Variants in EGF observed in about 807,000 individuals in gnomAD.
EGF encodes epidermal growth factor.
In EGF, 95 loss-of-function variants were observed where a neutral mutation model predicts 143.8. The observed-to-expected ratio is 0.66, with a 90% confidence interval of 0.56 to 0.78. The LOEUF (loss-of-function observed/expected upper bound fraction) is 0.78. EGF is among the 30% of genes least tolerant of loss of function. The pLI, the probability that EGF is intolerant of heterozygous loss-of-function variation, is 0.00. For missense variants in EGF, 1,320 were observed against 1,470.9 expected, an observed-to-expected ratio of 0.90 and a Z score of 1.68; for synonymous variants, 510 against 510.5, an observed-to-expected ratio of 1.00 and a Z score of 0.01.
chr4:109,941,050 A>T lies in EGF; in HGVS notation c.232A>T (p.Ile78Phe). Reference sequence around the variant, plus strand: ...GGTGGTGGATGCTGGTGTCTCAGTGATCATGGATTTTCATTATAATGAGAA... The same window carrying T: ...GGTGGTGGATGCTGGTGTCTCAGTGTTCATGGATTTTCATTATAATGAGAA... Reference protein sequence around the residue: ...QLVVDAGVSVIMDFHYNEKRI... With the variant: ...QLVVDAGVSVFMDFHYNEKRI... The change falls in exon 2 of 24, where the codon ATC becomes TTC. Residue 78 changes from isoleucine to phenylalanine, a missense_variant. Around this residue, in one of 5 missense-constraint regions of EGF, gnomAD observed 9 missense variants for 26.6 expected, o/e 0.34. Transcript: ENST00000265171. 6.2e-7 allele frequency: 1 copy of T among 1,614,052 alleles called. No individual in the cohort carries two copies. The highest frequency in any genetic ancestry group is 8.5e-7 in the Non-Finnish European group (1 of 1,179,972).
At chr4:110,005,589 T>C (rs1254780587) in intron 22 of EGF, among the ~76,000 whole-genome samples, 1 of 152,204 alleles carries the variant, frequency 6.6e-6, no homozygotes, top group African/African-American at 2.4e-5. Context: ...GCACAGAGGT[T>C]TGGGAAATTC....
At chr4:109,933,406 GT>G (rs1740152502) in intron 1 of EGF, among the ~76,000 whole-genome samples, 1 of 150,118 alleles carries the variant, frequency 6.7e-6, no homozygotes, top group African/African-American at 2.4e-5. Context: ...CCAGCCTCTT[GT>G]AGCATTTCTT....
Position 109,969,010 on chromosome 4 carries a change from G to A in EGF, c.1615G>A (p.Ala539Thr), listed in dbSNP as rs773112456. 30 of 1,614,060 alleles carry A rather than the reference G, an allele frequency of 1.9e-5. No homozygotes were observed. In the South Asian group the frequency reaches 2.4e-4, roughly 13 times the overall value. Residue 539 changes from alanine to threonine, a missense_variant, in exon 11 of 24, where the codon GCT (alanine) becomes ACT (threonine). This residue lies in a region of EGF where 1,186 missense variants were observed against 1,313.7 expected (regional missense o/e 0.90). Transcript: ENST00000265171. Reference protein sequence around the residue: ...AHTALKWIERANMDGSQRERL... With the variant: ...AHTALKWIERTNMDGSQRERL... Reference sequence around the variant, plus strand: ...TACAGCCCTGAAGTGGATAGAGAGAGCTAATATGGATGGTTCCCAGCGAGA... The same window carrying A: ...TACAGCCCTGAAGTGGATAGAGAGAACTAATATGGATGGTTCCCAGCGAGA...
At position 109,932,439 on chromosome 4, in the gene EGF, C is replaced by CATGAT. The variant is rs1163080942; in HGVS notation, c.128-8506_128-8502dup. ...TGTTGCCCAGGCTGGAGTGTAGTGGCATGATCTTGGCTCACTGCAAGCTCC... is the reference window on the plus strand; with the variant it reads ...TGTTGCCCAGGCTGGAGTGTAGTGGCATGATATGATCTTGGCTCACTGCAAGCTCC... On this transcript the variant is annotated intron_variant, in intron 1 of 23. Transcript: ENST00000265171. Among the ~76,000 whole-genome samples, 154 of 141,056 alleles carry CATGAT rather than the reference C, an allele frequency of 1.1e-3. 1 individual carries two copies. Among genetic ancestry groups the CATGAT allele is most frequent in the Middle Eastern group, 7.9e-3 (2 of 252 alleles). The allele number at this position is 141,056 out of a possible 152,430, so 92.5% of individuals were successfully genotyped here.
At position 109,938,866 on chromosome 4, in the gene EGF, T is replaced by A. The variant is rs561029926; in HGVS notation, c.128-2080T>A. Among the ~76,000 whole-genome samples the A allele has an allele frequency of 2.0e-5, 3 of 152,276 alleles. No homozygotes were observed. The South Asian group carries it at 6.2e-4, about 32-fold the overall frequency. On this transcript the variant is annotated intron_variant, in intron 1 of 23. Transcript: ENST00000265171. ...AGTGGAGGCTACAGAAGAGCAAATA[T>A]TGCTGCCTGATTCTTCCTCTGGAAG...
intron 11 of EGF, among the ~76,000 whole-genome samples, chr4:109,972,834 A>G (rs758855333): frequency 1.3e-5 from 2 of 152,166 alleles, no homozygotes; most frequent in Admixed American, 6.5e-5. Flanking sequence ...CCTGTTCCCT[A>G]CACAGCACCT....
At chr4:109,968,819 G>T in intron 10 of EGF, 152 bp from the exon 11 acceptor site, 2 of 876,180 alleles carry the variant, frequency 2.3e-6, no homozygotes, top group Non-Finnish European at 3.6e-6. Context: ...ACACGTATCT[G>T]GGAAGCAGCC....
intron 5 of EGF, among the ~76,000 whole-genome samples, chr4:109,955,878 A>C (rs1446640060): frequency 1.3e-5 from 2 of 152,208 alleles, no homozygotes; most frequent in Non-Finnish European, 2.9e-5. Context: ...AAAGATGCAT[A>C]TACATAATTG....
intron 5 of EGF, among the ~76,000 whole-genome samples, chr4:109,956,824 T>G (rs1412601680): frequency 6.6e-6 from 1 of 152,030 alleles, no homozygotes; most frequent in East Asian, 1.9e-4. Context: ...TGTAAAGAGA[T>G]TTGAAAAAAC....
intron 5 of EGF, among the ~76,000 whole-genome samples, chr4:109,957,367 T>G (rs1258621778): frequency 1.3e-5 from 2 of 152,194 alleles, no homozygotes; most frequent in Non-Finnish European, 2.9e-5. Flanking sequence ...GGTTTAACCT[T>G]TACGAGGAAA....
chr4:110,004,622 G>A lies in EGF; in HGVS notation c.3291G>A (p.Trp1097Ter). The A allele has an allele frequency of 6.2e-7, 1 of 1,613,674 alleles. No homozygotes were observed. Among genetic ancestry groups the A allele is most frequent in the Non-Finnish European group, 8.5e-7 (1 of 1,179,706 alleles). ...GGATGTCCTCTTGCCCTCAACCTTG[G>A]GTAATGTGACCAAAGCAGATGAAGC... ...EDGMSSCPQP[W>*]FVVIKEHQDL... The change falls in exon 22 of 24, where the codon TGG becomes TGA. Residue 1097 changes from tryptophan to a stop codon, truncating the protein, a stop_gained and splice_region_variant. Coordinates refer to ENST00000265171, the MANE Select transcript of EGF (RefSeq NM_001963.6). LOFTEE classifies it high-confidence loss of function.
intron 5 of EGF, among the ~76,000 whole-genome samples, chr4:109,953,923 T>A (rs767432634): frequency 1.6e-4 from 25 of 152,360 alleles, no homozygotes; most frequent in African/African-American, 5.0e-4. Context: ...ACATAATAGT[T>A]GTACATATGT....
rs1238054009 is a variant in EGF at position 110,008,172 on chromosome 4, C to T, written c.3312C>T (p.His1104=). The T allele has an allele frequency of 2.5e-6, 4 of 1,613,998 alleles. No homozygotes were observed. Among genetic ancestry groups the T allele is most frequent in the Non-Finnish European group, 3.4e-6 (4 of 1,179,938 alleles). Residue 1104 remains histidine, a synonymous_variant, in exon 23 of 24, where the codon CAC becomes CAT. Transcript: ENST00000265171. ...TGCAGTTTGTGGTTATAAAAGAACACCAAGACCTCAAGAATGGGGGTCAAC... is the reference window on the plus strand; with the variant it reads ...TGCAGTTTGTGGTTATAAAAGAACATCAAGACCTCAAGAATGGGGGTCAAC... The part of the protein sequence containing the change: ...PQPWFVVIKE[H]QDLKNGGQPV...
chr4:109,984,270 C>G (rs559711457), intron 16 of EGF, among the ~76,000 whole-genome samples: 1 of 150,766 alleles, frequency 6.6e-6, no homozygotes, highest in Admixed American at 6.6e-5. Flanking sequence ...GAAAATATTT[C>G]AAAACTCCAC....
chr4:109,913,366 G>C lies in EGF; in HGVS notation c.31G>C (p.Val11Leu). The C allele has an allele frequency of 6.2e-7, 1 of 1,613,966 alleles. No individual in the cohort carries two copies. The highest frequency in any genetic ancestry group is 8.5e-7 in the Non-Finnish European group (1 of 1,179,894). Residue 11 changes from valine (V) to leucine (L), a missense_variant, in exon 1 of 24, where the codon GTA (valine) becomes CTA (leucine). Transcript: ENST00000265171. ...GCTCACTCTTATCATTCTGTTGCCA[G>C]TAGTTTCAAAATTTAGTTTTGTTAG... is the stretch of plus-strand genomic sequence containing the variant. MLLTLIILLP[V>L]VSKFSFVSLS...
rs1244439067 is a variant in EGF at position 110,012,374 on chromosome 4, T to A, written c.*919T>A. On this transcript the variant is annotated 3_prime_UTR_variant, in exon 24 of 24. Transcript: ENST00000265171. ...CTGATGTTTCTGTTTTTCGTTTTTT[T>A]TTTTTTTCCGGAGAGAGGATAGGAT... is the stretch of plus-strand genomic sequence containing the variant. 5 of 151,972 alleles carry A rather than the reference T, an allele frequency of 3.3e-5. No homozygotes were observed. Among genetic ancestry groups the A allele is most frequent in the Non-Finnish European group, 1.5e-5 (1 of 68,016 alleles). The allele number at this position is 151,972 out of a possible 1,614,324, so 9.4% of individuals were successfully genotyped here.
intron 1 of EGF, among the ~76,000 whole-genome samples, chr4:109,914,843 C>T (rs1736332906): frequency 6.6e-6 from 1 of 152,154 alleles, no homozygotes; most frequent in African/African-American, 2.4e-5. Context: ...GGACTGGACT[C>T]TCTTTGGGGT....
intron 18 of EGF, among the ~76,000 whole-genome samples, chr4:109,991,391 T>C (rs1171791338): frequency 1.3e-5 from 2 of 152,164 alleles, no homozygotes; most frequent in East Asian, 3.9e-4. Context: ...AGCAAAGTTC[T>C]AGGCAACAGG....
Position 109,980,152 on chromosome 4 carries a change from G to A in EGF, c.2221+13G>A. On this transcript the variant is annotated intron_variant, in intron 14 of 23. Transcript: ENST00000265171. ...TTGGCAAAACCAGGTACATACTGGA[G>A]ATGTTACACAGTCTTTCCTTGGCTG... is the stretch of plus-strand genomic sequence containing the variant. 1 of 1,589,060 alleles carries A rather than the reference G, an allele frequency of 6.3e-7. No homozygotes were observed. Among genetic ancestry groups the A allele is most frequent in the Non-Finnish European group, 8.6e-7 (1 of 1,166,744 alleles).
Sources: allele counts gnomAD v4.1 joint callset (sites outside exome capture counted in the v4.1 genomes callset), GRCh38; gene constraint gnomAD v4.1.1; regional missense constraint gnomAD v4.1.1; transcripts MANE v1.5; gene names NCBI Gene and HGNC (gene_info 2026-07-23, HGNC 2026-07-21).